DMD: variants seen among roughly 807,000 people sequenced by gnomAD.
DMD encodes the protein dystrophin, also known as mutant dystrophin.
Under a neutral mutation model 330.1 loss-of-function variants are expected in DMD, and 63 were observed. The ratio of observed to expected loss-of-function variants is 0.19; its 90% CI spans 0.16 to 0.24. DMD has a LOEUF of 0.24. Among genes scored for constraint, DMD ranks in the 10% least tolerant of loss-of-function variants. The pLI is 1.00. For synonymous variants in DMD, 1,223 were observed against 959.8 expected (o/e 1.27, Z -5.07); for missense variants, 3,344 against 2,684.1 (o/e 1.25, Z -5.43).
At chrX:31,887,789 A>G (rs1328195274) in intron 47 of DMD, among the ~76,000 whole-genome samples, 2 of 112,091 alleles carry the variant, frequency 1.8e-5, no homozygotes, top group Non-Finnish European at 3.8e-5. Flanking sequence ...CCCAAAAGCT[A>G]GAATACTCAC....
intron 16 of DMD, among the ~76,000 whole-genome samples, chrX:32,558,982 G>T (rs867278882): frequency 1.4e-5 from 1 of 71,060 alleles, no homozygotes; most frequent in Admixed American, 2.2e-4. Context: ...ACGAAGTCTC[G>T]CTCTGTCATC....
chrX:32,227,264 CATATATATATATATATATATAT>C (rs57305198), intron 43 of DMD, among the ~76,000 whole-genome samples: 1,076 of 35,851 alleles, frequency 0.03, 31 homozygotes, highest in Middle Eastern at 0.2. Flanking sequence ...TAAGTCTAAG[CATATATATATATATATATATAT>C]ATATATATAT....
chrX:31,502,933 G>A (rs2070550367), intron 56 of DMD, among the ~76,000 whole-genome samples: 1 of 111,814 alleles, frequency 8.9e-6, no homozygotes, highest in Admixed American at 9.5e-5. Context: ...ATGCATGTGT[G>A]TGTACATTTA....
At chrX:32,184,088 A>G (rs2096937155) in intron 44 of DMD, among the ~76,000 whole-genome samples, 1 of 110,878 alleles carries the variant, frequency 9.0e-6, no homozygotes, top group South Asian at 3.7e-4. Flanking sequence ...TCTTAAAACT[A>G]AGATATATGT....
At chrX:33,231,275 G>A (rs746179009) in intron 1 of DMD, among the ~76,000 whole-genome samples, 26 of 111,190 alleles carry the variant, frequency 2.3e-4, no homozygotes, top group Non-Finnish European at 3.8e-4. Context: ...ATGATAAGTC[G>A]TTCCAATTTC....
chrX:33,237,853 A>T (rs1358541549), intron 1 of DMD, among the ~76,000 whole-genome samples: 1 of 112,229 alleles, frequency 8.9e-6, no homozygotes, highest in East Asian at 2.8e-4. Flanking sequence ...AGTAATAAAA[A>T]CTGAGAATGT....
chrX:32,782,958 A>T (rs917324221), intron 7 of DMD, among the ~76,000 whole-genome samples: 2 of 99,308 alleles, frequency 2.0e-5, no homozygotes, highest in African/African-American at 4.2e-5. Context: ...ACACACACAC[A>T]TACACACACA....
intron 61 of DMD, among the ~76,000 whole-genome samples, chrX:31,334,755 GATAGCCAACC>G (rs1196417307): frequency 8.9e-5 from 10 of 111,823 alleles, no homozygotes; most frequent in Non-Finnish European, 1.9e-4. Flanking sequence ...GGCTTTTAAC[GATAGCCAACC>G]ATAGTTGATA....
In DMD at chrX:32,217,686, TCTG is replaced by T. The variant is rs1302778331; in HGVS notation, c.6291-626_6291-624del. Among the ~76,000 whole-genome samples, 378 of 111,032 alleles carry T rather than the reference TCTG, an allele frequency of 3.4e-3. 3 individuals are homozygous for T. The highest frequency in any genetic ancestry group is 0.012 in the African/African-American group (368 of 30,465). ...AATTATAAATGTTTGAGGCTATGGA[TCTG>T]CCAAGAAACCTGATTTGATCATTAC... On this transcript the variant is annotated intron_variant, in intron 43 of 78. Transcript: ENST00000357033.
At chrX:31,222,785 T>A (rs760804939) in intron 64 of DMD, among the ~76,000 whole-genome samples, 1 of 112,116 alleles carries the variant, frequency 8.9e-6, no homozygotes, top group South Asian at 3.7e-4. Flanking sequence ...CCGATGCCAA[T>A]GCCAGTAGTT....
chrX:32,731,568 A>C (rs1470246972), intron 7 of DMD, among the ~76,000 whole-genome samples: 1 of 112,374 alleles, frequency 8.9e-6, no homozygotes, highest in African/African-American at 3.2e-5. Flanking sequence ...GAGATCTGAG[A>C]AGGGGCAGAC....
chrX:32,984,834 C>T (rs754054948), intron 2 of DMD, among the ~76,000 whole-genome samples: 9 of 111,448 alleles, frequency 8.1e-5, no homozygotes, highest in Non-Finnish European at 1.3e-4. Flanking sequence ...TTTCTCCTAG[C>T]ACTTACATAG....
In DMD at chrX:31,259,394, G is replaced by T. The variant is rs1166843945; in HGVS notation, c.9286+1561C>A. 1.3e-4 allele frequency among the ~76,000 whole-genome samples: 15 copies of T among 111,828 alleles called. No individual in the cohort carries two copies. In the Admixed American group the frequency reaches 1.4e-3, roughly 11 times the overall value. On this transcript the variant is annotated intron_variant, in intron 63 of 78. Coordinates refer to ENST00000357033, the MANE Select transcript of DMD (RefSeq NM_004006.3). ...CCCAGGACAGCTGCTGCCCACTTCA[G>T]ATGAAGCCTTTTCATTCTCTCATTT...
At chrX:31,434,409 A>AGCGCGCGCGC (rs1235059344) in intron 60 of DMD, among the ~76,000 whole-genome samples, 8 of 61,296 alleles carry the variant, frequency 1.3e-4, no homozygotes, top group African/African-American at 5.6e-4. Context: ...CCCTTACTGC[A>AGCGCGCGCGC]GCGCGCGCGC....
chrX:32,474,803 T>C (rs989256223), intron 21 of DMD, among the ~76,000 whole-genome samples: 2 of 111,646 alleles, frequency 1.8e-5, no homozygotes, highest in African/African-American at 6.5e-5. Flanking sequence ...ACTCCATGGG[T>C]TGCCTGTTTG....
intron 1 of DMD, among the ~76,000 whole-genome samples, chrX:33,254,394 T>C (rs1158260077): frequency 9.0e-6 from 1 of 110,901 alleles, no homozygotes; most frequent in Non-Finnish European, 1.9e-5. Context: ...TAAAAGTTTA[T>C]CATTATCCTA....
At chrX:31,678,204 G>A (rs988554830) in intron 53 of DMD, among the ~76,000 whole-genome samples, 1 of 111,637 alleles carries the variant, frequency 9.0e-6, no homozygotes, top group Non-Finnish European at 1.9e-5. Context: ...TGACTAATTT[G>A]GAAATGGAAG....
chrX:31,715,243 ACTT>A (rs1268709805), intron 52 of DMD, among the ~76,000 whole-genome samples: 17 of 101,649 alleles, frequency 1.7e-4, no homozygotes, highest in Non-Finnish European at 2.8e-4. Flanking sequence ...GCGAAACTGA[ACTT>A]CTTAAGATTA....
At chrX:33,198,726 A>G (rs775857741) in intron 1 of DMD, among the ~76,000 whole-genome samples, 12 of 111,127 alleles carry the variant, frequency 1.1e-4, no homozygotes, top group Non-Finnish European at 2.3e-4. Flanking sequence ...AACTTACCAC[A>G]TAATCCGACT....
Sources: allele counts gnomAD v4.1 joint callset (sites outside exome capture counted in the v4.1 genomes callset), GRCh38; gene constraint gnomAD v4.1.1; transcripts MANE v1.5; gene names NCBI Gene and HGNC (gene_info 2026-07-23, HGNC 2026-07-21).